CSMD1: variants seen among roughly 807,000 people sequenced by gnomAD.
CSMD1 encodes the protein CUB and sushi domain-containing protein 1.
Under a neutral mutation model 417.5 loss-of-function variants are expected in CSMD1, and 213 were observed. The ratio of observed to expected loss-of-function variants is 0.51; its 90% CI spans 0.46 to 0.57. The LOEUF is 0.57. Ranked by LOEUF, CSMD1 falls within the 20% of genes least tolerant of loss-of-function variation. The probability of loss-of-function intolerance (pLI) is 0.00; values close to 1 mark genes in which losing one functional copy is unlikely to be tolerated. For synonymous variants in CSMD1, 2,862 were observed against 1,736.8 expected, an observed-to-expected ratio of 1.65 and a Z score of -16.11; for missense variants, 6,923 against 4,529.7, an observed-to-expected ratio of 1.53 and a Z score of -15.17.
intron 7 of CSMD1, among the ~76,000 whole-genome samples, chr8:3,680,226 C>CA (rs1799579743): frequency 6.6e-6 from 1 of 152,032 alleles, no homozygotes; most frequent in African/African-American, 2.4e-5. Flanking sequence ...AAAAACCCTT[C>CA]AAAAAATCGA....
intron 33 of CSMD1, among the ~76,000 whole-genome samples, 198 bp downstream of exon 33, chr8:3,199,516 G>T (rs1355768171): frequency 6.6e-6 from 1 of 152,064 alleles, no homozygotes; most frequent in Non-Finnish European, 1.5e-5. Context: ...TTTTGTAGTA[G>T]AAATATGAGT....
At chr8:4,174,377 C>G (rs546003979) in intron 3 of CSMD1, among the ~76,000 whole-genome samples, 2 of 152,136 alleles carry the variant, frequency 1.3e-5, no homozygotes, top group Non-Finnish European at 1.5e-5. Context: ...AAGTCATTTG[C>G]GCAAGGCCTA....
intron 11 of CSMD1, among the ~76,000 whole-genome samples, chr8:3,472,655 G>C (rs1174007566): frequency 6.6e-6 from 1 of 151,830 alleles, no homozygotes; most frequent in Non-Finnish European, 1.5e-5. Context: ...CTGAATTATA[G>C]TCAGTGTATT....
intron 1 of CSMD1, among the ~76,000 whole-genome samples, chr8:4,899,948 A>G (rs1383116871): frequency 1.3e-5 from 2 of 152,162 alleles, no homozygotes; most frequent in African/African-American, 4.8e-5. Context: ...TAGGCCTTTA[A>G]GAAATAGTTG....
At chr8:3,325,546 G>A (rs1380419871) in intron 23 of CSMD1, among the ~76,000 whole-genome samples, 1 of 152,206 alleles carries the variant, frequency 6.6e-6, no homozygotes, top group Admixed American at 6.5e-5. Flanking sequence ...AAGGTCGCCT[G>A]GGCATGCTGG....
intron 1 of CSMD1, among the ~76,000 whole-genome samples, chr8:4,745,235 G>C (rs946603187): frequency 1.3e-5 from 2 of 152,212 alleles, no homozygotes; most frequent in Admixed American, 6.5e-5. Context: ...TGTCTCAGCA[G>C]TTTTTGGTCC....
chr8:4,116,470 G>A (rs946218739), intron 3 of CSMD1, among the ~76,000 whole-genome samples: 2 of 133,328 alleles, frequency 1.5e-5, no homozygotes, highest in Non-Finnish European at 3.2e-5. Flanking sequence ...GAACAAACGC[G>A]CCATGAATGA....
chr8:3,805,004 T>C (rs1204499647), intron 5 of CSMD1, among the ~76,000 whole-genome samples: 1 of 152,168 alleles, frequency 6.6e-6, no homozygotes, highest in Non-Finnish European at 1.5e-5. Context: ...TCACTTCTTC[T>C]GGTCTTGAAG....
chr8:4,827,382 T>G (rs1440883892), intron 1 of CSMD1, among the ~76,000 whole-genome samples: 5 of 152,158 alleles, frequency 3.3e-5, no homozygotes, highest in Non-Finnish European at 1.5e-5. Flanking sequence ...CTGCTCGAGT[T>G]ACCTTCCTCG....
intron 1 of CSMD1, among the ~76,000 whole-genome samples, chr8:4,641,492 T>C (rs1447156791): frequency 6.6e-6 from 1 of 152,144 alleles, no homozygotes; most frequent in African/African-American, 2.4e-5. Flanking sequence ...TCAAACTACA[T>C]TTTCACATAT....
chr8:4,447,295 C>T (rs1308343980), intron 2 of CSMD1, among the ~76,000 whole-genome samples: 1 of 152,060 alleles, frequency 6.6e-6, no homozygotes, highest in Non-Finnish European at 1.5e-5. Flanking sequence ...CTGAGGCAGA[C>T]CGTGATCATT....
intron 5 of CSMD1, among the ~76,000 whole-genome samples, chr8:3,910,593 C>T (rs937019905): frequency 1.3e-5 from 2 of 152,094 alleles, no homozygotes; most frequent in Admixed American, 1.3e-4. Context: ...TTTTTGGGTT[C>T]TAACACAGCA....
chr8:3,004,599 T>A lies in CSMD1; in HGVS notation c.8030-4468A>T, dbSNP rs190245559. Among the ~76,000 whole-genome samples, 21 of 152,334 alleles carry A rather than the reference T, an allele frequency of 1.4e-4. No homozygotes were observed. The East Asian group carries it at 3.1e-3, about 22-fold the overall frequency. On this transcript the variant is annotated intron_variant, in intron 52 of 69. Transcript: ENST00000635120. ...TATATAGATAGACAATGTAAATATA[T>A]CCTCATGGAATTGCAGAATTTGCTT...
chr8:3,651,409 G>T (rs1586031), intron 7 of CSMD1, among the ~76,000 whole-genome samples: 67,136 of 151,850 alleles, frequency 0.44, 15,014 homozygotes, highest in Middle Eastern at 0.5. Context: ...GGCCCTTCAT[G>T]GAGTACCTCG....
chr8:3,622,898 G>A (rs1297800668), intron 7 of CSMD1, among the ~76,000 whole-genome samples: 1 of 152,154 alleles, frequency 6.6e-6, no homozygotes. Flanking sequence ...GTACCTCAGA[G>A]AAACATTTTC....
At chr8:3,751,316 G>C (rs1363708635) in intron 6 of CSMD1, among the ~76,000 whole-genome samples, 2 of 146,184 alleles carry the variant, frequency 1.4e-5, no homozygotes, top group African/African-American at 5.0e-5. Context: ...GTGTGTGTGT[G>C]TGTGTGTGTG....
intron 33 of CSMD1, among the ~76,000 whole-genome samples, chr8:3,190,617 C>T (rs976561020): frequency 6.6e-6 from 1 of 152,122 alleles, no homozygotes; most frequent in Non-Finnish European, 1.5e-5. Context: ...CCATCAGATC[C>T]AGCAATCCCA....
In CSMD1 at chr8:3,929,816, C is replaced by T. The variant is rs768448434; in HGVS notation, c.818+68087G>A. Among the ~76,000 whole-genome samples the T allele has an allele frequency of 7.4e-5, 11 of 149,472 alleles. 1 individual carries two copies. The highest frequency in any genetic ancestry group is 1.5e-4 in the Non-Finnish European group (10 of 67,298). Reference sequence around the variant, plus strand: ...AGCTGGGACTACAGGCACATGCCACCATGCCTGGCTAATTTTTGTGTTTTT... The same window carrying T: ...AGCTGGGACTACAGGCACATGCCACTATGCCTGGCTAATTTTTGTGTTTTT... On this transcript the variant is annotated intron_variant, in intron 5 of 69. Coordinates refer to ENST00000635120, the MANE Select transcript of CSMD1 (RefSeq NM_033225.6).
chr8:3,297,657 C>T (rs1180673462), intron 25 of CSMD1, among the ~76,000 whole-genome samples: 2 of 152,100 alleles, frequency 1.3e-5, no homozygotes, highest in African/African-American at 4.8e-5. Flanking sequence ...AATTTATCCC[C>T]AGTGGAATAG....
Sources: allele counts gnomAD v4.1 joint callset (sites outside exome capture counted in the v4.1 genomes callset), GRCh38; gene constraint gnomAD v4.1.1; transcripts MANE v1.5; gene names NCBI Gene and HGNC (gene_info 2026-07-23, HGNC 2026-07-21).